Variants in CNTN5 observed in about 807,000 individuals in gnomAD.
CNTN5 encodes contactin 5, also known as contactin-5.
In CNTN5, 77 loss-of-function variants were observed where a neutral mutation model predicts 129.1. That is an observed-to-expected ratio of 0.60 (90% CI 0.50 to 0.72). The LOEUF is 0.72. CNTN5 is among the 30% of genes least tolerant of loss of function. The pLI is 0.00. For synonymous variants in CNTN5, 509 were observed against 465.6 expected, an observed-to-expected ratio of 1.09 and a Z score of -1.20; for missense variants, 1,478 against 1,328.8, an observed-to-expected ratio of 1.11 and a Z score of -1.75.
chr11:100,285,048 A>G (rs770145104), intron 18 of CNTN5, among the ~76,000 whole-genome samples: 22 of 152,178 alleles, frequency 1.4e-4, no homozygotes, highest in Non-Finnish European at 2.9e-4. Context: ...ATTCTATTAA[A>G]TAAGATTTTT....
At chr11:99,433,371 ATGTGTGTGTGT>A (rs1214392834) in intron 2 of CNTN5, among the ~76,000 whole-genome samples, 3 of 140,902 alleles carry the variant, frequency 2.1e-5, no homozygotes, top group African/African-American at 5.3e-5. Context: ...TAAAAAAAAA[ATGTGTGTGTGT>A]GTGTGTGTGT....
At chr11:100,269,362 A>T (rs1407950643) in intron 17 of CNTN5, among the ~76,000 whole-genome samples, 1 of 152,224 alleles carries the variant, frequency 6.6e-6, no homozygotes, top group Non-Finnish European at 1.5e-5. Flanking sequence ...AGTAAGTAAT[A>T]GCACAAACAG....
At chr11:99,879,374 A>G (rs973969686) in intron 6 of CNTN5, among the ~76,000 whole-genome samples, 12 of 152,190 alleles carry the variant, frequency 7.9e-5, no homozygotes, top group Admixed American at 7.9e-4. Flanking sequence ...CTGTCATTAT[A>G]AAATTAATTT....
intron 1 of CNTN5, among the ~76,000 whole-genome samples, chr11:99,037,507 T>A (rs1306529759): frequency 6.6e-6 from 1 of 151,898 alleles, no homozygotes; most frequent in East Asian, 1.9e-4. Flanking sequence ...CCCATCTCTA[T>A]ACTTTTGCTG....
At chr11:100,191,080 G>T in intron 13 of CNTN5, 46 bp from the exon 14 acceptor site, 2 of 1,373,386 alleles carry the variant, frequency 1.5e-6, no homozygotes, top group Middle Eastern at 1.9e-4. Flanking sequence ...CTATTTAGCT[G>T]ATTGCAGTAA....
intron 22 of CNTN5, 80 bp from the exon 23 acceptor site, chr11:100,341,013 A>T: frequency 9.4e-7 from 1 of 1,061,672 alleles, no homozygotes; most frequent in African/African-American, 1.6e-5. Context: ...AGGAGAAAAG[A>T]TTGAGATACT....
intron 21 of CNTN5, among the ~76,000 whole-genome samples, chr11:100,322,228 C>CTT (rs1477178718): frequency 6.9e-5 from 10 of 144,554 alleles, no homozygotes; most frequent in African/African-American, 2.0e-4. Flanking sequence ...GTAATGCCGT[C>CTT]TTTTTTTTTT....
At chr11:99,523,349 T>C (rs1310034235) in intron 2 of CNTN5, among the ~76,000 whole-genome samples, 1 of 152,046 alleles carries the variant, frequency 6.6e-6, no homozygotes, top group African/African-American at 2.4e-5. Flanking sequence ...TGGCTCAGCA[T>C]TTTGGGAGGC....
chr11:100,089,530 C>T (rs1178052910), intron 13 of CNTN5, among the ~76,000 whole-genome samples: 1 of 152,052 alleles, frequency 6.6e-6, no homozygotes, highest in Non-Finnish European at 1.5e-5. Context: ...CCAAAAATAC[C>T]ATTTGACCTA....
intron 7 of CNTN5, among the ~76,000 whole-genome samples, chr11:99,919,726 C>T (rs1004945771): frequency 1.3e-5 from 2 of 152,118 alleles, no homozygotes; most frequent in Non-Finnish European, 2.9e-5. Flanking sequence ...AAAAGTCATT[C>T]AATCCCTCTC....
At chr11:100,309,385 T>C in intron 21 of CNTN5, 1 of 970,300 alleles carries the variant, frequency 1.0e-6, no homozygotes, top group Middle Eastern at 5.3e-4. Flanking sequence ...TTGATTAACA[T>C]ACAGCTGGCA....
At chr11:100,284,182 T>C (rs1211461399) in intron 18 of CNTN5, among the ~76,000 whole-genome samples, 1 of 152,184 alleles carries the variant, frequency 6.6e-6, no homozygotes, top group Non-Finnish European at 1.5e-5. Flanking sequence ...TTCCTACCTC[T>C]TCAGTGCATC....
intron 1 of CNTN5, among the ~76,000 whole-genome samples, chr11:99,170,396 C>A (rs1369212787): frequency 6.6e-6 from 1 of 152,146 alleles, no homozygotes. Context: ...TGGGTCTAAT[C>A]TTGGCTTTGT....
chr11:100,341,433 G>A (rs759351122), intron 23 of CNTN5, among the ~76,000 whole-genome samples: 10 of 152,158 alleles, frequency 6.6e-5, no homozygotes, highest in Non-Finnish European at 7.3e-5. Context: ...GAAAAGTAGC[G>A]ACAATCTGAA....
chr11:100,069,386 C>G (rs926981232), intron 10 of CNTN5, among the ~76,000 whole-genome samples: 1 of 151,906 alleles, frequency 6.6e-6, no homozygotes, highest in Non-Finnish European at 1.5e-5. Flanking sequence ...AACTCCCAGG[C>G]TAAAGTAATC....
chr11:99,301,819 G>A lies in CNTN5; in HGVS notation c.-209-23527G>A, dbSNP rs142258918. Among the ~76,000 whole-genome samples, 486 of 151,770 alleles carry A rather than the reference G, an allele frequency of 3.2e-3. 6 individuals carry two copies. The highest frequency in any genetic ancestry group is 0.011 in the African/African-American group (457 of 41,506). On this transcript the variant is annotated intron_variant, in intron 1 of 24. Transcript: ENST00000524871. Reference sequence around the variant, plus strand: ...TGTACATGAAACTTCTAGATAGACCGTAAGTTAGGCCACGTGACAATCGTA... The same window carrying A: ...TGTACATGAAACTTCTAGATAGACCATAAGTTAGGCCACGTGACAATCGTA...
intron 15 of CNTN5, 150 bp downstream of exon 15, chr11:100,193,813 T>C: frequency 1.5e-6 from 1 of 657,568 alleles, no homozygotes; most frequent in Non-Finnish European, 2.5e-6. Context: ...TTATTTTATG[T>C]TATGTCAAAC....
At chr11:99,997,772 C>A (rs1939554234) in intron 8 of CNTN5, among the ~76,000 whole-genome samples, 1 of 152,038 alleles carries the variant, frequency 6.6e-6, no homozygotes, top group Admixed American at 6.6e-5. Flanking sequence ...TACTGGCAAA[C>A]CGAATCCAGC....
At chr11:100,201,848 T>G (rs1948786043) in intron 15 of CNTN5, among the ~76,000 whole-genome samples, 1 of 151,900 alleles carries the variant, frequency 6.6e-6, no homozygotes, top group Non-Finnish European at 1.5e-5. Context: ...TGTTCCGCTC[T>G]GGGAATTGCC....
Sources: gnomAD v4.1 joint callset for allele counts (sites outside exome capture counted in the v4.1 genomes callset) on GRCh38, gnomAD v4.1.1 for gene constraint, MANE v1.5 for transcripts, NCBI Gene and HGNC (gene_info 2026-07-23, HGNC 2026-07-21) for gene names.